NVL: variants seen among roughly 807,000 people sequenced by gnomAD.
NVL encodes nuclear VCP like, also known as nuclear valosin-containing protein-like.
Under a neutral mutation model 110.2 loss-of-function variants are expected in NVL, and 84 were observed. The ratio of observed to expected loss-of-function variants is 0.76; its 90% confidence interval spans 0.64 to 0.91. The LOEUF (loss-of-function observed/expected upper bound fraction) is 0.91, where lower values mean the gene tolerates loss of function less well. Ranked by LOEUF, NVL falls within the 40% of genes least tolerant of loss-of-function variation. NVL has a pLI of 0.00. For missense variants in NVL, 882 were observed against 1,035.9 expected (o/e 0.85, Z 2.04); for synonymous variants, 354 against 361.1 (o/e 0.98, Z 0.22).
At chr1:224,305,987 C>G (rs544232039) in intron 6 of NVL, among the ~76,000 whole-genome samples, 1 of 63,960 alleles carries the variant, frequency 1.6e-5, no homozygotes, top group African/African-American at 5.0e-5. Context: ...ATTAAGGACA[C>G]TGATATTTGC....
At chr1:224,254,169 G>A (rs562612418) in intron 18 of NVL, among the ~76,000 whole-genome samples, 15 of 150,738 alleles carry the variant, frequency 1.0e-4, no homozygotes, top group African/African-American at 3.6e-4. Flanking sequence ...TCAGCTCACT[G>A]CAACCTCTGC....
chr1:224,234,861 T>C (rs956384393), intron 20 of NVL, among the ~76,000 whole-genome samples: 2 of 152,206 alleles, frequency 1.3e-5, no homozygotes, highest in African/African-American at 2.4e-5. Context: ...CACAGACTGA[T>C]AGCCTACTTG....
intron 5 of NVL, among the ~76,000 whole-genome samples, chr1:224,308,942 T>C (rs1669230431): frequency 6.6e-6 from 1 of 150,738 alleles, no homozygotes; most frequent in Non-Finnish European, 1.5e-5. Context: ...ACGCCTGTAG[T>C]CCCAGCTACT....
intron 5 of NVL, among the ~76,000 whole-genome samples, chr1:224,309,921 C>T (rs914787445): frequency 3.9e-5 from 6 of 151,968 alleles, no homozygotes; most frequent in Admixed American, 1.3e-4. Flanking sequence ...CTCAGCTACT[C>T]AGGAGGCTGA....
intron 18 of NVL, among the ~76,000 whole-genome samples, chr1:224,253,095 G>C (rs1295416241): frequency 6.6e-6 from 1 of 151,568 alleles, no homozygotes; most frequent in Non-Finnish European, 1.5e-5. Context: ...ACCCAGGCTA[G>C]AGTGCAGTGG....
chr1:224,284,106 G>C (rs1026443397), intron 15 of NVL, among the ~76,000 whole-genome samples: 2 of 152,182 alleles, frequency 1.3e-5, no homozygotes, highest in East Asian at 3.9e-4. Context: ...TACACATAGG[G>C]AAGACAGTTC....
At chr1:224,239,984 G>A (rs1246692316) in intron 19 of NVL, among the ~76,000 whole-genome samples, 2 of 151,684 alleles carry the variant, frequency 1.3e-5, no homozygotes, top group Non-Finnish European at 2.9e-5. Flanking sequence ...TGCAACTTAC[G>A]CCTCCCAGGT....
intron 18 of NVL, among the ~76,000 whole-genome samples, chr1:224,254,632 C>T (rs1662965929): frequency 7.2e-6 from 1 of 138,820 alleles, no homozygotes; most frequent in Admixed American, 7.8e-5. Flanking sequence ...TCAGGCTGGT[C>T]TCGAACTCCC....
intron 20 of NVL, among the ~76,000 whole-genome samples, chr1:224,234,312 G>C (rs1004325883): frequency 6.6e-6 from 1 of 152,122 alleles, no homozygotes. Context: ...ATGAGAAAGA[G>C]TTTGAGTTTG....
rs142529137 is a variant in NVL at position 224,265,617 on chromosome 1, G to A, written c.2182+2417C>T. On this transcript the variant is annotated intron_variant, in intron 18 of 22. Transcript: ENST00000281701. ...GAAAGATTGATGCTGTGGTTTGAAC[G>A]TATTCCCCAAATTTCACGTGTTGGA... 4.2e-3 allele frequency among the ~76,000 whole-genome samples: 634 copies of A among 152,260 alleles called. 6 individuals are homozygous for A. Among genetic ancestry groups the A allele is most frequent in the African/African-American group, 0.014 (588 of 41,558 alleles).
intron 18 of NVL, among the ~76,000 whole-genome samples, chr1:224,265,609 G>A (rs1336826915): frequency 6.6e-6 from 1 of 152,200 alleles, no homozygotes; most frequent in African/African-American, 2.4e-5. Context: ...TGATGCTGTG[G>A]TTTGAACGTA....
intron 9 of NVL, among the ~76,000 whole-genome samples, chr1:224,302,209 CTTTTTTT>C (rs553239807): frequency 6.8e-6 from 1 of 148,144 alleles, no homozygotes; most frequent in Admixed American, 6.8e-5. Context: ...TTTCTTTTTT[CTTTTTTT>C]TTTGAGATAG....
chr1:224,253,106 G>A (rs769022574), intron 18 of NVL, among the ~76,000 whole-genome samples: 1 of 151,700 alleles, frequency 6.6e-6, no homozygotes, highest in Admixed American at 6.6e-5. Context: ...AGTGCAGTGG[G>A]GCGATCTCGG....
At position 224,270,089 on chromosome 1, in the gene NVL, GA is replaced by G. The variant is rs113966505; in HGVS notation, c.2083-1957del. 4.4e-3 allele frequency among the ~76,000 whole-genome samples: 631 copies of G among 142,490 alleles called. 3 individuals are homozygous for G. The highest frequency in any genetic ancestry group is 0.015 in the African/African-American group (594 of 39,326). The allele number at this position is 142,490 out of a possible 152,430, so 93.5% of individuals were successfully genotyped here. A position where few individuals can be genotyped will look rare whatever the true frequency, so the allele number is the denominator to read the frequency against. On this transcript the variant is annotated intron_variant, in intron 17 of 22. Transcript: ENST00000281701. ...CCAGCTTACCCCACTGATTTCTCTA[GA>G]AAAAAAAAAATTGGTGCTCCTTATT... is the stretch of plus-strand genomic sequence containing the variant.
intron 12 of NVL, among the ~76,000 whole-genome samples, chr1:224,293,070 A>ATT (rs1157220455): frequency 1.5e-4 from 19 of 125,132 alleles, no homozygotes; most frequent in South Asian, 2.5e-4. Context: ...TTTCAGAACA[A>ATT]TTTTTTTTTT....
chr1:224,319,829 T>A (rs968922001), intron 2 of NVL, among the ~76,000 whole-genome samples: 6 of 152,164 alleles, frequency 3.9e-5, no homozygotes, highest in Admixed American at 3.9e-4. Flanking sequence ...TTACAGTGGA[T>A]CGATCAAAAC....
rs112715810 is a variant in NVL, at chr1:224,326,401, T to C, written c.121A>G (p.Arg41Gly). The C allele has an allele frequency of 6.2e-7, 1 of 1,610,436 alleles. No individual in the cohort carries two copies. The highest frequency in any genetic ancestry group is 8.5e-7 in the Non-Finnish European group (1 of 1,177,372). The change falls in exon 2 of 23, where the codon AGA becomes GGA. Residue 41 changes from arginine to glycine, a missense_variant. This residue lies in a region of NVL where 274 missense variants were observed against 268.4 expected (regional missense o/e 1.02). Transcript: ENST00000281701. Reference sequence around the variant, plus strand: ...ACTATATTTATTTACCTGTACACTCTTTGTAAATCAGACGCTAAGACTCCA... The same window carrying C: ...ACTATATTTATTTACCTGTACACTCCTTGTAAATCAGACGCTAAGACTCCA... ...DIGVLASDLQ[R>G]VYSIDYGRRK...
intron 17 of NVL, among the ~76,000 whole-genome samples, chr1:224,274,237 G>C (rs1665518468): frequency 6.7e-6 from 1 of 150,268 alleles, no homozygotes; most frequent in Non-Finnish European, 1.5e-5. Flanking sequence ...GTTGCAGTGA[G>C]CCGAGATCAC....
intron 16 of NVL, among the ~76,000 whole-genome samples, chr1:224,275,772 T>G (rs867717733): frequency 6.6e-6 from 1 of 152,344 alleles, no homozygotes; most frequent in Non-Finnish European, 1.5e-5. Context: ...AATTGCACTT[T>G]AGAACTAATC....
Sources: gnomAD v4.1 joint callset for allele counts (sites outside exome capture counted in the v4.1 genomes callset) on GRCh38, gnomAD v4.1.1 for gene constraint, gnomAD v4.1.1 regional missense constraint, MANE v1.5 for transcripts, NCBI Gene and HGNC (gene_info 2026-07-23, HGNC 2026-07-21) for gene names.